Variants in PDE6B observed in about 807,000 individuals in gnomAD.
PDE6B encodes rod cGMP-specific 3',5'-cyclic phosphodiesterase subunit beta.
In PDE6B, 106 loss-of-function variants were observed where a neutral mutation model predicts 109.0. The observed-to-expected ratio is 0.97, with a 90% CI of 0.83 to 1.14. The LOEUF is 1.14. Ranked by LOEUF, PDE6B falls within the 50% of genes most tolerant of loss-of-function variation. PDE6B has a pLI of 0.00. For missense variants in PDE6B, 1,193 were observed against 1,155.6 expected (o/e 1.03, Z -0.47); for synonymous variants, 490 against 471.3 (o/e 1.04, Z -0.51).
In PDE6B at chr4:666,425, CTG is replaced by C. The variant is rs1050588157; in HGVS notation, c.2269-102_2269-101del. Reference sequence around the variant, plus strand: ...TTCTGTCAGGCAGGCTCGTCCCAGGCTGTGTCTCCATGAGCACATCTGAGTGA... The same window carrying C: ...TTCTGTCAGGCAGGCTCGTCCCAGGCTGTCTCCATGAGCACATCTGAGTGA... On this transcript the variant is annotated intron_variant, in intron 19 of 21. Transcript: ENST00000496514. The surrounding 1 kb of genome is among the most constrained non-coding windows in gnomAD (Gnocchi z 5.6). 1.1e-4 allele frequency: 86 copies of C among 781,212 alleles called. No homozygotes were observed. In the African/African-American group the frequency reaches 1.4e-3, roughly 13 times the overall value. The allele number at this position is 781,212 out of a possible 1,614,324, so 48.4% of individuals were successfully genotyped here. A position where few individuals can be genotyped will look rare whatever the true frequency, so the allele number is the denominator to read the frequency against.
At chr4:632,549 G>C (rs1304957109) in intron 1 of PDE6B, among the ~76,000 whole-genome samples, 3 of 148,158 alleles carry the variant, frequency 2.0e-5, no homozygotes, top group Non-Finnish European at 4.5e-5. Flanking sequence ...TCTGCATGGT[G>C]CCGTCTGGGG....
At chr4:653,725 C>T (rs918704506) in intron 3 of PDE6B, 127 bp from the exon 4 acceptor site, 34 of 1,073,316 alleles carry the variant, frequency 3.2e-5, no homozygotes, top group African/African-American at 1.5e-4. Flanking sequence ...CCAGGCTCCA[C>T]GGCTGGGCAG....
intron 8 of PDE6B, 135 bp downstream of exon 8, chr4:656,427 C>T (rs1233656610): frequency 2.7e-6 from 2 of 739,546 alleles, no homozygotes; most frequent in African/African-American, 3.4e-5. Flanking sequence ...CGCCTGTAAT[C>T]CCAGCACTTT....
chr4:647,135 G>A (rs1735244788), intron 3 of PDE6B, among the ~76,000 whole-genome samples: 1 of 152,096 alleles, frequency 6.6e-6, no homozygotes, highest in Non-Finnish European at 1.5e-5. Flanking sequence ...TAGAATTACA[G>A]GCATGCGCCA....
In PDE6B at chr4:636,484, G is replaced by A. The variant is rs1734688425; in HGVS notation, c.711+515G>A. Among the ~76,000 whole-genome samples the A allele has an allele frequency of 6.6e-6, 1 of 152,104 alleles. No homozygotes were observed. Among genetic ancestry groups the A allele is most frequent in the East Asian group, 1.9e-4 (1 of 5,166 alleles). ...GGAGTCAGGTGTGCCGAGGTGCGTG[G>A]GAAAACGCAGGGGGATGACCTCCAG... On this transcript the variant is annotated intron_variant, in intron 3 of 21. Coordinates refer to ENST00000496514, the MANE Select transcript of PDE6B (RefSeq NM_000283.4). The surrounding 1 kb of genome is among the most constrained non-coding windows in gnomAD (Gnocchi z 4.5).
chr4:656,933 C>G lies in PDE6B; in HGVS notation c.1167C>G (p.Val389=). The part of the protein sequence containing the change: ...LIKNVLSMPI[V]NKKEEIVGVA... ...AGAATGTGCTGTCCATGCCCATCGTCAACAAGAAGGAGGAGATTGTGGGAG... is the reference window on the plus strand; with the variant it reads ...AGAATGTGCTGTCCATGCCCATCGTGAACAAGAAGGAGGAGATTGTGGGAG... The change falls in exon 9 of 22, where the codon GTC becomes GTG. Residue 389 remains valine, a synonymous_variant. Transcript: ENST00000496514. 6.2e-7 allele frequency: 1 copy of G among 1,613,048 alleles called. No individual in the cohort carries two copies.
intron 6 of PDE6B, chr4:655,104 G>A (rs902030196): frequency 1.8e-5 from 11 of 597,616 alleles, no homozygotes; most frequent in Non-Finnish European, 3.0e-5. Context: ...TGGTGAGGAG[G>A]ACGTGGGCTG....
At chr4:654,380 T>A (rs1277417832) in intron 5 of PDE6B, 2 of 667,490 alleles carry the variant, frequency 3.0e-6, no homozygotes, top group South Asian at 3.2e-5. Flanking sequence ...AGGCTGGTCG[T>A]GAAGACCCAC....
chr4:651,557 G>T (rs563628082), intron 3 of PDE6B: 2 of 152,304 alleles, frequency 1.3e-5, no homozygotes, highest in South Asian at 2.1e-4. Context: ...AACCAGTCAC[G>T]CGAGGAGAAT....
At chr4:629,654 G>C (rs1734284976) in intron 1 of PDE6B, among the ~76,000 whole-genome samples, 1 of 152,220 alleles carries the variant, frequency 6.6e-6, no homozygotes, top group South Asian at 2.1e-4. Context: ...CTTCGACTCA[G>C]TCCTATGGTG....
At chr4:640,220 CA>C in intron 3 of PDE6B, among the ~76,000 whole-genome samples, 1 of 152,190 alleles carries the variant, frequency 6.6e-6, no homozygotes, top group South Asian at 2.1e-4. Context: ...CTGTATTTTG[CA>C]AAATAGTTTT....
intron 21 of PDE6B, 141 bp from the exon 22 acceptor site, chr4:669,905 T>C: frequency 2.7e-6 from 2 of 747,430 alleles, no homozygotes; most frequent in Admixed American, 3.6e-5. Flanking sequence ...TCAGCCCAGC[T>C]AATCGGCTTG....
intron 21 of PDE6B, among the ~76,000 whole-genome samples, chr4:668,329 C>T (rs1738035269): frequency 1.3e-5 from 2 of 151,900 alleles, no homozygotes; most frequent in African/African-American, 4.8e-5. Context: ...AAGTTCAAAT[C>T]CCAAAGGCAT....
intron 12 of PDE6B, chr4:661,877 C>A: frequency 1.9e-6 from 1 of 528,316 alleles, no homozygotes; most frequent in Non-Finnish European, 3.4e-6. Flanking sequence ...GGCTGGGCGG[C>A]CCCTGAAGGC....
In PDE6B at chr4:663,666, G is replaced by T. The variant is rs570276298; in HGVS notation, c.1921-104G>T. 3.7e-6 allele frequency: 3 copies of T among 810,574 alleles called. No individual in the cohort carries two copies. Among genetic ancestry groups the T allele is most frequent in the East Asian group, 5.3e-5 (2 of 37,762 alleles). The allele number at this position is 810,574 out of a possible 1,614,324, so 50.2% of individuals were successfully genotyped here. On this transcript the variant is annotated intron_variant, in intron 15 of 21. Coordinates refer to ENST00000496514, the MANE Select transcript of PDE6B (RefSeq NM_000283.4). The surrounding 1 kb of genome is among the most constrained non-coding windows in gnomAD (Gnocchi z 4.0). ...TCCCGCCCACCGAGGGCCCGAGGGCGGGGGCGTGAGAGGCACAGGCAGCCG... is the reference window on the plus strand; with the variant it reads ...TCCCGCCCACCGAGGGCCCGAGGGCTGGGGCGTGAGAGGCACAGGCAGCCG...
chr4:628,784 G>A lies in PDE6B; in HGVS notation c.468+2690G>A, dbSNP rs565965448. On this transcript the variant is annotated intron_variant, in intron 1 of 21. Coordinates refer to ENST00000496514, the MANE Select transcript of PDE6B (RefSeq NM_000283.4). The stretch of plus-strand genomic sequence containing the variant: ...CTACAGGGAGCCCAGGCGGTGCCAG[G>A]CCACGTGGGACCAGCTTCTGGGAGG... Among the ~76,000 whole-genome samples, 4 of 152,352 alleles carry A rather than the reference G, an allele frequency of 2.6e-5. No homozygotes were observed. In the East Asian group the frequency reaches 5.8e-4, roughly 22 times the overall value.
Position 664,164 on chromosome 4 carries a change from A to G in PDE6B, c.2072A>G (p.Asp691Gly). Reference sequence around the variant, plus strand: ...GTGGATGAGTCCAAGAACTACCAGGACAAGAAGAGCTGGGTGGAGTACCTG... The same window carrying G: ...GTGGATGAGTCCAAGAACTACCAGGGCAAGAAGAGCTGGGTGGAGTACCTG... ...KIVDESKNYQDKKSWVEYLSL... is the reference protein window; with the variant it reads ...KIVDESKNYQGKKSWVEYLSL... The change falls in exon 17 of 22, where the codon GAC (aspartate) becomes GGC (glycine). Residue 691 changes from aspartate (D) to glycine (G), a missense_variant. By Grantham distance (94) the Asp-to-Gly change is moderately conservative (BLOSUM62 -1). Transcript: ENST00000496514. The G allele has an allele frequency of 1.2e-6, 2 of 1,612,810 alleles. No homozygotes were observed. The highest frequency in any genetic ancestry group is 1.7e-6 in the Non-Finnish European group (2 of 1,179,050).
At chr4:627,684 A>T (rs1439630144) in intron 1 of PDE6B, among the ~76,000 whole-genome samples, 1 of 48,152 alleles carries the variant, frequency 2.1e-5, no homozygotes, top group African/African-American at 8.0e-5. Context: ...TCCTCCCCTC[A>T]CTCTCCTGCC....
At position 625,584 on chromosome 4, in the gene PDE6B, T is replaced by C. The variant is rs200720485; in HGVS notation, c.-43T>C. ...GATGACAGGGTTTCCTGGGAGTCCA[T>C]GCGTGCCTGGAGCAGCAGCGTCTCC... On this transcript the variant is annotated 5_prime_UTR_variant, in exon 1 of 22. The change abolishes an upstream ATG in the 5' untranslated region. Coordinates refer to ENST00000496514, the MANE Select transcript of PDE6B (RefSeq NM_000283.4). This position sits in a 1 kb window ranked among gnomAD's most constrained non-coding sequence, Gnocchi z 5.0. The C allele has an allele frequency of 3.3e-4, 460 of 1,378,224 alleles. 1 individual carries two copies. The African/African-American group carries it at 6.1e-3, about 18-fold the overall frequency. The allele number at this position is 1,378,224 out of a possible 1,614,324, so 85.4% of individuals were successfully genotyped here. A position where few individuals can be genotyped will look rare whatever the true frequency, so the allele number is the denominator to read the frequency against.
Sources: gnomAD v4.1 joint callset for allele counts (sites outside exome capture counted in the v4.1 genomes callset) on GRCh38, gnomAD v4.1.1 for gene constraint, Gnocchi (gnomAD v3.1) non-coding constraint, MANE v1.5 for transcripts, NCBI Gene and HGNC (gene_info 2026-07-23, HGNC 2026-07-21) for gene names.